LCN10: variants seen among roughly 807,000 people sequenced by gnomAD.
The protein encoded by LCN10 is epididymal-specific lipocalin-10.
LCN10 carries 18 observed loss-of-function variants against 25.1 expected under a neutral mutation model. The observed-to-expected ratio is 0.72, with a 90% CI of 0.50 to 1.06. The LOEUF (loss-of-function observed/expected upper bound fraction) is 1.06. Among genes scored for constraint, LCN10 ranks in the 50% least tolerant of loss-of-function variants. The pLI is 0.00. For missense variants in LCN10, 257 were observed against 258.9 expected, an observed-to-expected ratio of 0.99 and a Z score of 0.05; for synonymous variants, 130 against 116.7, an observed-to-expected ratio of 1.11 and a Z score of -0.73.
At position 136,741,980 on chromosome 9, in the gene LCN10, G is replaced by T. The variant is rs755987851; in HGVS notation, c.158C>A (p.Ala53Asp). 6.2e-7 allele frequency: 1 copy of T among 1,612,840 alleles called. No homozygotes were observed. Among genetic ancestry groups the T allele is most frequent in the Non-Finnish European group, 8.5e-7 (1 of 1,179,672 alleles). Residue 53 changes from alanine (A) to aspartate (D), a missense_variant, in exon 2 of 6, where the codon GCC becomes GAC. Ala to Asp is a moderately radical substitution (Grantham distance 126, BLOSUM62 -2). Transcript: ENST00000497771. ...GTCCCTGGCCGGCAAGAATCCCTGGGCATCAGTGGCAGTGGCCAGAATGTA... is the reference window on the plus strand; with the variant it reads ...GTCCCTGGCCGGCAAGAATCCCTGGTCATCAGTGGCAGTGGCCAGAATGTA... Reference protein sequence around the residue: ...FWYILATATDAQGFLPARDKR... With the variant: ...FWYILATATDDQGFLPARDKR...
chr9:136,739,521 G>T lies in LCN10; in HGVS notation c.*4C>A, dbSNP rs1352916901. The T allele has an allele frequency of 6.2e-7, 1 of 1,600,154 alleles. No individual in the cohort carries two copies. The highest frequency in any genetic ancestry group is 1.1e-5 in the South Asian group (1 of 88,112). On this transcript the variant is annotated 3_prime_UTR_variant, in exon 6 of 6. Transcript: ENST00000497771. The surrounding 1 kb of genome is among the most constrained non-coding windows in gnomAD (Gnocchi z 6.1). ...CGAAAGGGAAGAGCAGAGGACGCTG[G>T]CTCTCATGGCAGGATGGTGTGTGTA...
rs767003606 is a variant in LCN10, at chr9:136,739,974, C to A, written c.550G>T (p.Ala184Ser). ...CCGTCTTTCGGGAGGATGACGGCGG[C>A]CTTGGAGAGCCCCAGAATGTCACAA... is the stretch of plus-strand genomic sequence containing the variant. ...DACDILGLSK[A>S]AVILPKDASR... The change falls in exon 5 of 6, where the codon GCC becomes TCC. Residue 184 changes from alanine (A) to serine (S), a missense_variant. By Grantham distance (99) the Ala-to-Ser change is moderately conservative (BLOSUM62 1). Transcript: ENST00000497771. The surrounding 1 kb of genome is among the most constrained non-coding windows in gnomAD (Gnocchi z 6.1). The A allele has an allele frequency of 6.3e-7, 1 of 1,591,658 alleles. No individual in the cohort carries two copies. Among genetic ancestry groups the A allele is most frequent in the Non-Finnish European group, 8.6e-7 (1 of 1,169,038 alleles).
rs1197850632 is a variant in LCN10 at position 136,741,264 on chromosome 9, C to T, written c.355G>A (p.Gly119Arg). The change falls in exon 3 of 6, where the codon GGA becomes AGA. Residue 119 changes from glycine to arginine, a missense_variant. By Grantham distance (125) the Gly-to-Arg change is moderately radical. Transcript: ENST00000497771. The part of the protein sequence containing the change: ...ACAYAAGPRE[G>R]QEGVKGVKAF... ...AGCCCAAGCACACCTCCCTCCTGTC[C>T]TTCCCTCGGGCCCGCCGCGTATGCA... 3.1e-6 allele frequency: 5 copies of T among 1,613,356 alleles called. No individual in the cohort carries two copies. Among genetic ancestry groups the T allele is most frequent in the Non-Finnish European group, 4.2e-6 (5 of 1,179,746 alleles).
At position 136,740,217 on chromosome 9, in the gene LCN10, C is replaced by T. The variant is rs1486619177; in HGVS notation, c.476-169G>A. The stretch of plus-strand genomic sequence containing the variant: ...CGGCCGCTGGGCCCCTCCCCACTTA[C>T]GAGGCAGCCAGGCTCGGGAAGCCAG... On this transcript the variant is annotated intron_variant, in intron 4 of 5. Coordinates refer to ENST00000497771, the MANE Select transcript of LCN10 (RefSeq NM_001001712.3). This position sits in a 1 kb window ranked among gnomAD's most constrained non-coding sequence, Gnocchi z 5.3. 1.6e-5 allele frequency: 10 copies of T among 628,358 alleles called. No homozygotes were observed. Among genetic ancestry groups the T allele is most frequent in the Admixed American group, 4.7e-5 (2 of 42,150 alleles). The allele number at this position is 628,358 out of a possible 1,614,324, so 38.9% of individuals were successfully genotyped here. A position where few individuals can be genotyped will look rare whatever the true frequency, so the allele number is the denominator to read the frequency against.
At position 136,740,061 on chromosome 9, in the gene LCN10, T is replaced by C; in HGVS notation, c.476-13A>G. 1 of 1,532,044 alleles carries C rather than the reference T, an allele frequency of 6.5e-7. No homozygotes were observed. Among genetic ancestry groups the C allele is most frequent in the Non-Finnish European group, 8.9e-7 (1 of 1,125,672 alleles). 94.9% of individuals were successfully genotyped at this position (1,532,044 alleles called of 1,614,324 possible). A position where few individuals can be genotyped will look rare whatever the true frequency, so the allele number is the denominator to read the frequency against. ...ACATTCTGCCTATCTGAGGTTGAGA[T>C]CAGGATCACATCAGAGACTCCAGCT... On this transcript the variant is annotated splice_polypyrimidine_tract_variant and intron_variant, in intron 4 of 5. Coordinates refer to ENST00000497771, the MANE Select transcript of LCN10 (RefSeq NM_001001712.3). This position sits in a 1 kb window ranked among gnomAD's most constrained non-coding sequence, Gnocchi z 5.3.
chr9:136,739,905 G>C lies in LCN10; in HGVS notation c.574+45C>G, dbSNP rs1408012906. On this transcript the variant is annotated intron_variant, in intron 5 of 5. Coordinates refer to ENST00000497771, the MANE Select transcript of LCN10 (RefSeq NM_001001712.3). The surrounding 1 kb of genome is among the most constrained non-coding windows in gnomAD (Gnocchi z 6.1). ...CAATGAATCAGCTCCCCAATGGGAC[G>C]GGCAGGTAGGGCCAGGAGGGCAAAG... 6 of 1,403,074 alleles carry C rather than the reference G, an allele frequency of 4.3e-6. No individual in the cohort carries two copies. 86.9% of individuals were successfully genotyped at this position (1,403,074 alleles called of 1,614,324 possible). A position where few individuals can be genotyped will look rare whatever the true frequency, so the allele number is the denominator to read the frequency against.
intron 2 of LCN10, 69 bp from the exon 3 acceptor site, chr9:136,741,430 C>G (rs1192640871): frequency 8.0e-7 from 1 of 1,246,256 alleles, no homozygotes; most frequent in Non-Finnish European, 1.1e-6. Flanking sequence ...GCCACCGAGC[C>G]CCACCCACAC....
chr9:136,741,607 C>T, intron 2 of LCN10: 1 of 608,716 alleles, frequency 1.6e-6, no homozygotes, highest in Non-Finnish European at 2.9e-6. Flanking sequence ...TCCCAACACC[C>T]ACCCGTGTGG....
Position 136,741,976 on chromosome 9 carries a change from C to T in LCN10, c.162G>A (p.Gln54=), listed in dbSNP as rs376328736. The change falls in exon 2 of 6, where the codon CAG becomes CAA. Residue 54 remains glutamine, a synonymous_variant. Transcript: ENST00000497771. The part of the protein sequence containing the change: ...WYILATATDA[Q]GFLPARDKRK... ...TCTTGTCCCTGGCCGGCAAGAATCCCTGGGCATCAGTGGCAGTGGCCAGAA... is the reference window on the plus strand; with the variant it reads ...TCTTGTCCCTGGCCGGCAAGAATCCTTGGGCATCAGTGGCAGTGGCCAGAA... 227 of 1,612,752 alleles carry T rather than the reference C, an allele frequency of 1.4e-4. 1 individual carries two copies. Among genetic ancestry groups the T allele is most frequent in the Non-Finnish European group, 1.7e-5 (20 of 1,179,670 alleles).
In LCN10 at chr9:136,740,884, G is replaced by T. The variant is rs1187376350; in HGVS notation, c.427C>A (p.Leu143Ile). ...TTTTGGGTTGCACGCCCCAGGCGGA[G>T]GTAGACCAAGCCGTAGCTGTAGTCA... ...STDYSYGLVY[L>I]RLGRATQNYK... Residue 143 changes from leucine (L) to isoleucine (I), a missense_variant, in exon 4 of 6, where the codon CTC becomes ATC. By Grantham distance (5) the Leu-to-Ile change is conservative (BLOSUM62 2). Transcript: ENST00000497771. The surrounding 1 kb of genome is among the most constrained non-coding windows in gnomAD (Gnocchi z 5.3). 5 of 1,613,612 alleles carry T rather than the reference G, an allele frequency of 3.1e-6. No homozygotes were observed. The highest frequency in any genetic ancestry group is 4.2e-6 in the Non-Finnish European group (5 of 1,179,858).
In LCN10 at chr9:136,742,930, G is replaced by C; in HGVS notation, c.-27C>G. 1 of 1,609,686 alleles carries C rather than the reference G, an allele frequency of 6.2e-7. No homozygotes were observed. Among genetic ancestry groups the C allele is most frequent in the Non-Finnish European group, 8.5e-7 (1 of 1,178,316 alleles). ...TTCACCCTCCTCCCTCAGCCGCCAA[G>C]GCCAGTGTTTAAACCTCTCTGGAGC... is the stretch of plus-strand genomic sequence containing the variant. On this transcript the variant is annotated 5_prime_UTR_variant, in exon 1 of 6. Coordinates refer to ENST00000497771, the MANE Select transcript of LCN10 (RefSeq NM_001001712.3).
Position 136,742,863 on chromosome 9 carries a change from A to G in LCN10, c.41T>C (p.Leu14Pro). ...GLLVLALVLV[L>P]VLVLAAGSQV... ...GGACCCTGCAGCCAGCACTAGCACCAGCACCAGCACCAGCGCCAGCACCAG... is the reference window on the plus strand; with the variant it reads ...GGACCCTGCAGCCAGCACTAGCACCGGCACCAGCACCAGCGCCAGCACCAG... Residue 14 changes from leucine (L) to proline (P), a missense_variant, in exon 1 of 6, where the codon CTG (leucine) becomes CCG (proline). Physicochemically the swap from Leu to Pro is moderately conservative, Grantham distance 98. Transcript: ENST00000497771. The G allele has an allele frequency of 1.2e-6, 2 of 1,613,580 alleles. No individual in the cohort carries two copies. The highest frequency in any genetic ancestry group is 1.7e-6 in the Non-Finnish European group (2 of 1,179,792).
At position 136,740,264 on chromosome 9, in the gene LCN10, G is replaced by A. The variant is rs981118334; in HGVS notation, c.476-216C>T. On this transcript the variant is annotated intron_variant, in intron 4 of 5. Coordinates refer to ENST00000497771, the MANE Select transcript of LCN10 (RefSeq NM_001001712.3). This position sits in a 1 kb window ranked among gnomAD's most constrained non-coding sequence, Gnocchi z 5.3. ...CCAGGGTCACCACGCTGTCACCTGGGGAACCCTCTCTGCCTGCAGAGTCCC... is the reference window on the plus strand; with the variant it reads ...CCAGGGTCACCACGCTGTCACCTGGAGAACCCTCTCTGCCTGCAGAGTCCC... 1.2e-5 allele frequency: 7 copies of A among 584,560 alleles called. No homozygotes were observed. The highest frequency in any genetic ancestry group is 1.1e-4 in the African/African-American group (6 of 53,698). The allele number at this position is 584,560 out of a possible 1,614,324, so 36.2% of individuals were successfully genotyped here.
Position 136,739,528 on chromosome 9 carries a change from T to C in LCN10, c.600A>G (p.Pro200=), listed in dbSNP as rs775591970. Residue 200 remains proline (P), a synonymous_variant, in exon 6 of 6, where the codon CCA becomes CCG. Transcript: ENST00000497771. The surrounding 1 kb of genome is among the most constrained non-coding windows in gnomAD (Gnocchi z 6.1). Reference sequence around the variant, plus strand: ...GAAGAGCAGAGGACGCTGGCTCTCATGGCAGGATGGTGTGTGTACGGGACG... The same window carrying C: ...GAAGAGCAGAGGACGCTGGCTCTCACGGCAGGATGGTGTGTGTACGGGACG... The part of the protein sequence containing the change: ...KDASRTHTIL[P] 1 of 1,600,158 alleles carries C rather than the reference T, an allele frequency of 6.2e-7. No individual in the cohort carries two copies. Among genetic ancestry groups the C allele is most frequent in the Non-Finnish European group, 8.5e-7 (1 of 1,174,136 alleles).
At chr9:136,741,210 G>C in intron 3 of LCN10, 42 bp downstream of exon 3, 1 of 1,538,354 alleles carries the variant, frequency 6.5e-7, no homozygotes, top group African/African-American at 1.4e-5. Context: ...GGGGTCAGAG[G>C]CATATCACGC....
Position 136,740,836 on chromosome 9 carries a change from G to A in LCN10, c.475C>T (p.His159Tyr), listed in dbSNP as rs756202965. The A allele has an allele frequency of 1.8e-5, 29 of 1,609,238 alleles. No individual in the cohort carries two copies. The East Asian group carries it at 3.6e-4, about 20-fold the overall frequency. The change falls in exon 4 of 6, where the codon CAT becomes TAT. Residue 159 changes from histidine to tyrosine, a missense_variant and splice_region_variant. His to Tyr is a moderately conservative substitution (Grantham distance 83). Transcript: ENST00000497771. The surrounding 1 kb of genome is among the most constrained non-coding windows in gnomAD (Gnocchi z 5.3). The stretch of plus-strand genomic sequence containing the variant: ...TCTGCCATCCGCTGTGCCTGCTCAC[G>A]GAAGAGCAGCAGGTTCTTGTAGTTT... ...TQNYKNLLLF[H>Y]RQNVSSFQSL...
intron 1 of LCN10, 85 bp from the exon 2 acceptor site, chr9:136,742,105 A>G (rs1297810914): frequency 6.5e-7 from 1 of 1,534,740 alleles, no homozygotes; most frequent in African/African-American, 1.4e-5. Context: ...AGAACCCAGG[A>G]GACAAATGAC....
intron 1 of LCN10, 147 bp from the exon 2 acceptor site, chr9:136,742,167 C>A (rs1846951780): frequency 2.0e-6 from 2 of 982,316 alleles, no homozygotes; most frequent in Non-Finnish European, 3.0e-6. Flanking sequence ...TCGGTCCCGG[C>A]CACTCAAGCC....
chr9:136,740,815 C>A lies in LCN10; in HGVS notation c.475+21G>T. The A allele has an allele frequency of 6.3e-7, 1 of 1,595,254 alleles. No individual in the cohort carries two copies. On this transcript the variant is annotated intron_variant, in intron 4 of 5. Coordinates refer to ENST00000497771, the MANE Select transcript of LCN10 (RefSeq NM_001001712.3). This position sits in a 1 kb window ranked among gnomAD's most constrained non-coding sequence, Gnocchi z 5.3. Reference sequence around the variant, plus strand: ...TCTGCACCCCCTCCACCATCCTCTGCCATCCGCTGTGCCTGCTCACGGAAG... The same window carrying A: ...TCTGCACCCCCTCCACCATCCTCTGACATCCGCTGTGCCTGCTCACGGAAG...
Sources: gnomAD v4.1 joint callset for allele counts on GRCh38, gnomAD v4.1.1 for gene constraint, Gnocchi (gnomAD v3.1) non-coding constraint, MANE v1.5 for transcripts, NCBI Gene and HGNC (gene_info 2026-07-23, HGNC 2026-07-21) for gene names.